HBE1: variants seen among roughly 807,000 people sequenced by gnomAD.
The protein encoded by HBE1 is hemoglobin subunit epsilon.
Under a neutral mutation model 12.1 loss-of-function variants are expected in HBE1, and 10 were observed. The ratio of observed to expected loss-of-function variants is 0.83; its 90% CI spans 0.51 to 1.40. The LOEUF (loss-of-function observed/expected upper bound fraction) is 1.40, where lower values mean the gene tolerates loss of function less well. Ranked by LOEUF, HBE1 falls within the 40% of genes most tolerant of loss-of-function variation. The pLI, the probability that HBE1 is intolerant of heterozygous loss-of-function variation, is 0.00. For synonymous variants in HBE1, 78 were observed against 70.4 expected, an observed-to-expected ratio of 1.11 and a Z score of -0.54; for missense variants, 172 against 175.8, an observed-to-expected ratio of 0.98 and a Z score of 0.12.
chr11:5,268,666 A>AAAAAC (rs1554924087), intron 2 of HBE1, 69 bp from the exon 3 acceptor site: 1 of 1,075,366 alleles, frequency 9.3e-7, no homozygotes, highest in Non-Finnish European at 1.4e-6. Context: ...ACTTGATGAA[A>AAAAAC]AAACAAACAA....
Position 5,269,484 on chromosome 11 carries a change from G to T in HBE1, c.285C>A (p.Asp95Glu), listed in dbSNP as rs1848167958. The change falls in exon 2 of 3, where the codon GAC (aspartate) becomes GAA (glutamate). Residue 95 changes from aspartate (D) to glutamate (E), a missense_variant. By Grantham distance (45) the Asp-to-Glu change is conservative. Coordinates refer to ENST00000396895, the MANE Select transcript of HBE1 (RefSeq NM_005330.4). Reference sequence around the variant, plus strand: ...AGTTCTCAGGATCCACATGCAGCTTGTCACAGTGCAGCTCACTCAGCTTAG... The same window carrying T: ...AGTTCTCAGGATCCACATGCAGCTTTTCACAGTGCAGCTCACTCAGCTTAG... The part of the protein sequence containing the change: ...AFAKLSELHC[D>E]KLHVDPENFK... 5 of 1,613,846 alleles carry T rather than the reference G, an allele frequency of 3.1e-6. No individual in the cohort carries two copies. The East Asian group carries it at 8.9e-5, about 29-fold the overall frequency.
chr11:5,268,651 A>C, intron 2 of HBE1, 54 bp from the exon 3 acceptor site: 1 of 1,540,630 alleles, frequency 6.5e-7, no homozygotes, highest in South Asian at 1.1e-5. Context: ...AAGTTTCCGA[A>C]AACAACTTGA....
At position 5,269,916 on chromosome 11, in the gene HBE1, T is replaced by C. The variant is rs764998760; in HGVS notation, c.-26A>G. ...GATGCCAGGCCTGAGAGCTTGCTAG[T>C]GATTGCAGCTGTGTCGGAAGCAGAT... is the stretch of plus-strand genomic sequence containing the variant. On this transcript the variant is annotated 5_prime_UTR_variant, in exon 1 of 3. Transcript: ENST00000396895. 1 of 1,523,040 alleles carries C rather than the reference T, an allele frequency of 6.6e-7. No homozygotes were observed. The highest frequency in any genetic ancestry group is 1.1e-5 in the South Asian group (1 of 89,158). 94.3% of individuals were successfully genotyped at this position (1,523,040 alleles called of 1,614,324 possible).
At position 5,269,444 on chromosome 11, in the gene HBE1, C is replaced by T. The variant is rs1339577953; in HGVS notation, c.315+10G>A. 1 of 1,597,116 alleles carries T rather than the reference C, an allele frequency of 6.3e-7. No individual in the cohort carries two copies. The highest frequency in any genetic ancestry group is 8.6e-7 in the Non-Finnish European group (1 of 1,164,464). ...AGCCAAAAAATCACATCACCAGCACCTGAACTCACCTTGAAGTTCTCAGGA... is the reference window on the plus strand; with the variant it reads ...AGCCAAAAAATCACATCACCAGCACTTGAACTCACCTTGAAGTTCTCAGGA... On this transcript the variant is annotated intron_variant, in intron 2 of 2. Transcript: ENST00000396895.
At position 5,269,475 on chromosome 11, in the gene HBE1, A is replaced by C; in HGVS notation, c.294T>G (p.His98Gln). ...KLSELHCDKL[H>Q]VDPENFKLLG... The stretch of plus-strand genomic sequence containing the variant: ...TCACCTTGAAGTTCTCAGGATCCAC[A>C]TGCAGCTTGTCACAGTGCAGCTCAC... The change falls in exon 2 of 3, where the codon CAT becomes CAG. Residue 98 changes from histidine to glutamine, a missense_variant. By Grantham distance (24) the His-to-Gln change is conservative. Transcript: ENST00000396895. The C allele has an allele frequency of 1.2e-6, 2 of 1,613,816 alleles. No individual in the cohort carries two copies. Among genetic ancestry groups the C allele is most frequent in the Non-Finnish European group, 1.7e-6 (2 of 1,179,736 alleles).
chr11:5,269,445 T>C lies in HBE1; in HGVS notation c.315+9A>G. 3.1e-6 allele frequency: 5 copies of C among 1,598,132 alleles called. No homozygotes were observed. Among genetic ancestry groups the C allele is most frequent in the Non-Finnish European group, 4.3e-6 (5 of 1,165,368 alleles). On this transcript the variant is annotated intron_variant, in intron 2 of 2. Transcript: ENST00000396895. ...GCCAAAAAATCACATCACCAGCACC[T>C]GAACTCACCTTGAAGTTCTCAGGAT...
chr11:5,268,689 G>A (rs201764374), intron 2 of HBE1, 92 bp from the exon 3 acceptor site: 4 of 599,996 alleles, frequency 6.7e-6, no homozygotes, highest in South Asian at 1.9e-5. Context: ...AAACAAAAAC[G>A]GCTTTATACC....
At chr11:5,269,239 A>C (rs1478073052) in intron 2 of HBE1, among the ~76,000 whole-genome samples, 4 of 152,162 alleles carry the variant, frequency 2.6e-5, no homozygotes, top group African/African-American at 9.7e-5. Context: ...AGATTTCCTG[A>C]AAAGTTAAGC....
chr11:5,268,702 C>T (rs1168900332), intron 2 of HBE1, 105 bp from the exon 3 acceptor site: 21 of 1,027,318 alleles, frequency 2.0e-5, no homozygotes, highest in Non-Finnish European at 2.8e-5. Context: ...TTTATACCTA[C>T]ATTCCTAGAC....
At position 5,269,799 on chromosome 11, in the gene HBE1, C is replaced by T. The variant is rs1224482770; in HGVS notation, c.92G>A (p.Arg31Lys). Residue 31 changes from arginine (R) to lysine (K), a missense_variant and splice_region_variant, in exon 1 of 3, where the codon AGA becomes AAA. Physicochemically the swap from Arg to Lys is conservative, Grantham distance 26. Transcript: ENST00000396895. ...VEEAGGEALG[R>K]LLVVYPWTQR... ...CCATGCATTGAGAACCAATGCTTAC[C>T]TGCCCAAGGCTTCACCTCCAGCCTC... The T allele has an allele frequency of 6.2e-7, 1 of 1,610,204 alleles. No individual in the cohort carries two copies. Among genetic ancestry groups the T allele is most frequent in the Admixed American group, 1.7e-5 (1 of 59,996 alleles).
Position 5,268,448 on chromosome 11 carries a change from AC to A in HBE1, c.*20del. 1 of 1,610,122 alleles carries A rather than the reference AC, an allele frequency of 6.2e-7. No individual in the cohort carries two copies. ...AGGAGGGTGTCAGGGTCACAGGAAC[AC>A]CTGCAAACTGGAAGAGAACTCAGTG... On this transcript the variant is annotated 3_prime_UTR_variant, in exon 3 of 3. Coordinates refer to ENST00000396895, the MANE Select transcript of HBE1 (RefSeq NM_005330.4).
At chr11:5,269,353 T>C in intron 2 of HBE1, 101 bp downstream of exon 2, 1 of 914,634 alleles carries the variant, frequency 1.1e-6, no homozygotes, top group Non-Finnish European at 1.8e-6. Context: ...GCTCGACCCA[T>C]GATTTCTGAG....
At chr11:5,269,312 G>C (rs1389989045) in intron 2 of HBE1, 142 bp downstream of exon 2, 2 of 702,280 alleles carry the variant, frequency 2.8e-6, no homozygotes. Flanking sequence ...TTTTGGTTAT[G>C]CTCACTAGAA....
chr11:5,268,616 A>G lies in HBE1; in HGVS notation c.316-19T>C. On this transcript the variant is annotated intron_variant, in intron 2 of 2. Coordinates refer to ENST00000396895, the MANE Select transcript of HBE1 (RefSeq NM_005330.4). Reference sequence around the variant, plus strand: ...CCAGGAGCTGTTAGGCAAAAGACAAAATAACACACAGGCATGTTGAGTAGA... The same window carrying G: ...CCAGGAGCTGTTAGGCAAAAGACAAGATAACACACAGGCATGTTGAGTAGA... 1 of 1,611,426 alleles carries G rather than the reference A, an allele frequency of 6.2e-7. No individual in the cohort carries two copies. The highest frequency in any genetic ancestry group is 8.5e-7 in the Non-Finnish European group (1 of 1,177,924).
At chr11:5,268,831 C>G (rs752633352) in intron 2 of HBE1, among the ~76,000 whole-genome samples, 5 of 152,106 alleles carry the variant, frequency 3.3e-5, no homozygotes, top group Non-Finnish European at 7.4e-5. Context: ...ACCCTCACCC[C>G]CTTCCCCATT....
chr11:5,268,604 G>C lies in HBE1; in HGVS notation c.316-7C>G. On this transcript the variant is annotated splice_polypyrimidine_tract_variant and splice_region_variant and intron_variant, in intron 2 of 2. Transcript: ENST00000396895. ...CCATCACGTTACCCAGGAGCTGTTA[G>C]GCAAAAGACAAAATAACACACAGGC... 1 of 1,609,420 alleles carries C rather than the reference G, an allele frequency of 6.2e-7. No individual in the cohort carries two copies. Among genetic ancestry groups the C allele is most frequent in the East Asian group, 2.2e-5 (1 of 44,458 alleles).
At chr11:5,268,730 G>C in intron 2 of HBE1, 133 bp from the exon 3 acceptor site, 1 of 798,932 alleles carries the variant, frequency 1.3e-6, no homozygotes, top group South Asian at 1.8e-5. Context: ...ACCTCAAACT[G>C]TTCCAAGGTT....
Position 5,269,783 on chromosome 11 carries a change from G to A in HBE1, c.92+16C>T. The A allele has an allele frequency of 6.3e-7, 1 of 1,598,910 alleles. No individual in the cohort carries two copies. The highest frequency in any genetic ancestry group is 8.6e-7 in the Non-Finnish European group (1 of 1,166,190). On this transcript the variant is annotated intron_variant, in intron 1 of 2. Transcript: ENST00000396895. ...TATTCACCCTTCATTCCCATGCATT[G>A]AGAACCAATGCTTACCTGCCCAAGG...
chr11:5,269,667 A>C lies in HBE1; in HGVS notation c.102T>G (p.Val34=), dbSNP rs146696000. 6.1e-5 allele frequency: 99 copies of C among 1,612,328 alleles called. No homozygotes were observed. The African/African-American group carries it at 1.1e-3, about 17-fold the overall frequency. ...AGGEALGRLL[V]VYPWTQRFFD... ...AAAATCTCTGGGTCCAGGGGTAAACAACGAGGAGTCTATGAAATGACACCA... is the reference window on the plus strand; with the variant it reads ...AAAATCTCTGGGTCCAGGGGTAAACCACGAGGAGTCTATGAAATGACACCA... The change falls in exon 2 of 3, where the codon GTT becomes GTG. Residue 34 remains valine (V), a synonymous_variant. Coordinates refer to ENST00000396895, the MANE Select transcript of HBE1 (RefSeq NM_005330.4).
Sources: gnomAD v4.1 joint callset for allele counts (sites outside exome capture counted in the v4.1 genomes callset) on GRCh38, gnomAD v4.1.1 for gene constraint, MANE v1.5 for transcripts, NCBI Gene and HGNC (gene_info 2026-07-23, HGNC 2026-07-21) for gene names.